Variants in GABBR2 observed in about 807,000 individuals in gnomAD.
The protein encoded by GABBR2 is gamma-aminobutyric acid type B receptor subunit 2.
Under a neutral mutation model 105.6 loss-of-function variants are expected in GABBR2, and 23 were observed. The observed-to-expected ratio is 0.22, with a 90% confidence interval of 0.16 to 0.31. GABBR2 has a LOEUF of 0.31. Ranked by LOEUF, GABBR2 falls within the 10% of genes least tolerant of loss-of-function variation. The pLI is 1.00. For missense variants in GABBR2, 734 were observed against 1,245.5 expected, an observed-to-expected ratio of 0.59 and a Z score of 6.18; for synonymous variants, 478 against 499.7, an observed-to-expected ratio of 0.96 and a Z score of 0.58.
intron 6 of GABBR2, among the ~76,000 whole-genome samples, chr9:98,462,598 A>G (rs902766267): frequency 1.4e-4 from 21 of 152,206 alleles, no homozygotes; most frequent in Admixed American, 1.4e-3. Context: ...AACTAAAACA[A>G]GACACCAACC....
In GABBR2 at chr9:98,524,852, A is replaced by G. The variant is rs571325934; in HGVS notation, c.630+17021T>C. Among the ~76,000 whole-genome samples, 8 of 152,288 alleles carry G rather than the reference A, an allele frequency of 5.3e-5. No individual in the cohort carries two copies. In the East Asian group the frequency reaches 1.5e-3, roughly 29 times the overall value. On this transcript the variant is annotated intron_variant, in intron 3 of 18. Transcript: ENST00000259455. ...AAAAAAAACTCTCCAGTAGTCCAGA[A>G]AGAAATCCATACTACAATGGTCAGT...
At chr9:98,410,263 AG>A (rs376421625) in intron 7 of GABBR2, among the ~76,000 whole-genome samples, 6 of 152,134 alleles carry the variant, frequency 3.9e-5, no homozygotes, top group African/African-American at 9.7e-5. Context: ...CATTCATTTG[AG>A]ACCAATCCAG....
At chr9:98,512,287 C>A (rs1440530145) in intron 3 of GABBR2, among the ~76,000 whole-genome samples, 1 of 141,772 alleles carries the variant, frequency 7.1e-6, no homozygotes, top group East Asian at 2.0e-4. Flanking sequence ...TATGACAAAC[C>A]CACAGCCAAT....
intron 1 of GABBR2, among the ~76,000 whole-genome samples, chr9:98,583,912 G>A (rs1418181830): frequency 3.9e-5 from 6 of 152,208 alleles, no homozygotes; most frequent in Non-Finnish European, 7.3e-5. Flanking sequence ...CCTGGCCTGA[G>A]CCAGGAACAT....
In GABBR2 at chr9:98,288,414, A is replaced by AGTT. The variant is rs1830232988; in HGVS notation, c.*2167_*2169dup. On this transcript the variant is annotated 3_prime_UTR_variant, in exon 19 of 19. Coordinates refer to ENST00000259455, the MANE Select transcript of GABBR2 (RefSeq NM_005458.8). ...AGTAAGACAGAGAATGTACTTCGTG[A>AGTT]GTTAACCTAGAAGACAGCGCACGCT... is the stretch of plus-strand genomic sequence containing the variant. 1 of 152,660 alleles carries AGTT rather than the reference A, an allele frequency of 6.6e-6. No individual in the cohort carries two copies. Among genetic ancestry groups the AGTT allele is most frequent in the African/African-American group, 2.4e-5 (1 of 41,462 alleles). The allele number at this position is 152,660 out of a possible 1,614,324, so 9.5% of individuals were successfully genotyped here. A position where few individuals can be genotyped will look rare whatever the true frequency, so the allele number is the denominator to read the frequency against.
In GABBR2 at chr9:98,575,096, C is replaced by A. The variant is rs74989672; in HGVS notation, c.459+2839G>T. ...ATTTATAAACACCACCACCCCCCCCCAAATCTGCAAAACCCTAAGAGAGAG... is the reference window on the plus strand; with the variant it reads ...ATTTATAAACACCACCACCCCCCCCAAAATCTGCAAAACCCTAAGAGAGAG... On this transcript the variant is annotated intron_variant, in intron 2 of 18. Transcript: ENST00000259455. 3.1e-4 allele frequency among the ~76,000 whole-genome samples: 45 copies of A among 147,388 alleles called. No individual in the cohort carries two copies. The East Asian group carries it at 7.7e-3, about 25-fold the overall frequency.
In GABBR2 at chr9:98,410,120, A is replaced by ATTTTTTTTTTT. The variant is rs564055730; in HGVS notation, c.1237-3990_1237-3980dup. ...TCCTAACACCCCAGCTTGAGCTGGA[A>ATTTTTTTTTTT]TTTTTTTTTTTGGTTTCCCTCCCAC... On this transcript the variant is annotated intron_variant, in intron 7 of 18. Coordinates refer to ENST00000259455, the MANE Select transcript of GABBR2 (RefSeq NM_005458.8). 6.2e-3 allele frequency among the ~76,000 whole-genome samples: 911 copies of ATTTTTTTTTTT among 147,288 alleles called. 14 individuals carry two copies. The highest frequency in any genetic ancestry group is 0.022 in the African/African-American group (863 of 39,520).
At chr9:98,535,085 T>C (rs1175362418) in intron 3 of GABBR2, among the ~76,000 whole-genome samples, 1 of 152,030 alleles carries the variant, frequency 6.6e-6, no homozygotes, top group Non-Finnish European at 1.5e-5. Context: ...CAACCATGAA[T>C]TGAGGATATT....
At chr9:98,469,921 C>T (rs1442118751) in intron 6 of GABBR2, among the ~76,000 whole-genome samples, 2 of 152,176 alleles carry the variant, frequency 1.3e-5, no homozygotes, top group African/African-American at 4.8e-5. Flanking sequence ...GACCGTGGCC[C>T]CAAGCAGCTA....
At chr9:98,511,583 C>T (rs1017240045) in intron 3 of GABBR2, among the ~76,000 whole-genome samples, 16 of 151,786 alleles carry the variant, frequency 1.1e-4, no homozygotes, top group Admixed American at 3.9e-4. Flanking sequence ...ATATCACCAC[C>T]GATCCCATAG....
At chr9:98,444,905 G>A (rs17770238) in intron 7 of GABBR2, among the ~76,000 whole-genome samples, 13,345 of 150,546 alleles carry the variant, frequency 0.089, 656 homozygotes, top group South Asian at 0.14. Context: ...ACACACGCAC[G>A]TGACCTTGTG....
chr9:98,441,784 C>A (rs887513081), intron 7 of GABBR2, among the ~76,000 whole-genome samples: 2 of 152,070 alleles, frequency 1.3e-5, no homozygotes, highest in African/African-American at 4.8e-5. Context: ...AATTTGTACA[C>A]TTAAAAATGA....
At chr9:98,626,477 TAAAGGTGA>T (rs1436945205) in intron 1 of GABBR2, among the ~76,000 whole-genome samples, 1 of 152,212 alleles carries the variant, frequency 6.6e-6, no homozygotes, top group Non-Finnish European at 1.5e-5. Flanking sequence ...CTTGTTTAGC[TAAAGGTGA>T]AATCGTAGAG....
At chr9:98,479,598 C>A (rs940807113) in intron 5 of GABBR2, among the ~76,000 whole-genome samples, 1 of 152,248 alleles carries the variant, frequency 6.6e-6, no homozygotes, top group Non-Finnish European at 1.5e-5. Context: ...AATAACCACA[C>A]GTGACCACGG....
intron 12 of GABBR2, among the ~76,000 whole-genome samples, chr9:98,366,371 G>C (rs576609374): frequency 6.6e-6 from 1 of 152,310 alleles, no homozygotes; most frequent in South Asian, 2.1e-4. Context: ...GGAGGGTAAG[G>C]TAGAGAAGAG....
intron 1 of GABBR2, among the ~76,000 whole-genome samples, chr9:98,650,747 T>C (rs1034980190): frequency 2.0e-5 from 3 of 152,234 alleles, no homozygotes; most frequent in Non-Finnish European, 4.4e-5. Context: ...AGCAGATTAT[T>C]AAGCCTTAAA....
intron 1 of GABBR2, among the ~76,000 whole-genome samples, chr9:98,625,541 G>A (rs1465614793): frequency 6.6e-6 from 1 of 152,162 alleles, no homozygotes; most frequent in East Asian, 1.9e-4. Context: ...TCTTCTCTGG[G>A]AGGGGCTATG....
At chr9:98,408,158 C>A (rs1832522547) in intron 7 of GABBR2, among the ~76,000 whole-genome samples, 1 of 152,120 alleles carries the variant, frequency 6.6e-6, no homozygotes, top group Non-Finnish European at 1.5e-5. Context: ...AGCTTTCCAG[C>A]CCTTGGGAAG....
chr9:98,420,557 C>G (rs1832765579), intron 7 of GABBR2, among the ~76,000 whole-genome samples: 1 of 152,224 alleles, frequency 6.6e-6, no homozygotes, highest in Non-Finnish European at 1.5e-5. Context: ...AAGACTTAGT[C>G]CCTGCCCTCA....
Sources: allele counts gnomAD v4.1 joint callset (sites outside exome capture counted in the v4.1 genomes callset), GRCh38; gene constraint gnomAD v4.1.1; transcripts MANE v1.5; gene names NCBI Gene and HGNC (gene_info 2026-07-23, HGNC 2026-07-21).